The following CFAP44 variants were observed in gnomAD, a reference collection of about 807,000 sequenced individuals.
CFAP44 encodes cilia- and flagella-associated protein 44.
Under a neutral mutation model 216.2 loss-of-function variants are expected in CFAP44, and 134 were observed. The ratio of observed to expected loss-of-function variants is 0.62; its 90% confidence interval spans 0.54 to 0.72. The LOEUF is 0.72. CFAP44 is among the 30% of genes least tolerant of loss of function. The pLI, the probability that CFAP44 is intolerant of heterozygous loss-of-function variation, is 0.00. For missense variants in CFAP44, 2,035 were observed against 2,182.1 expected, an observed-to-expected ratio of 0.93 and a Z score of 1.34; for synonymous variants, 700 against 727.6, an observed-to-expected ratio of 0.96 and a Z score of 0.61.
intron 8 of CFAP44, 120 bp from the exon 9 acceptor site, chr3:113,404,136 A>C: frequency 8.3e-7 from 1 of 1,201,598 alleles, no homozygotes. Context: ...AAAATTTTTA[A>C]ATGGAAAAAT....
chr3:113,397,655 G>A (rs1221691214), intron 13 of CFAP44, among the ~76,000 whole-genome samples: 1 of 152,198 alleles, frequency 6.6e-6, no homozygotes, highest in Non-Finnish European at 1.5e-5. Flanking sequence ...TAGTGAAGAT[G>A]AGGGATATGA....
intron 4 of CFAP44, among the ~76,000 whole-genome samples, chr3:113,424,166 G>T (rs896220963): frequency 7.9e-5 from 12 of 152,114 alleles, no homozygotes; most frequent in African/African-American, 2.2e-4. Flanking sequence ...GGCTAGGCGC[G>T]GTGGCTCACA....
At chr3:113,434,182 TAAAC>T (rs1293543140) in intron 1 of CFAP44, among the ~76,000 whole-genome samples, 1 of 152,158 alleles carries the variant, frequency 6.6e-6, no homozygotes, top group African/African-American at 2.4e-5. Flanking sequence ...AGATAGATAT[TAAAC>T]AAGCAATTAA....
intron 12 of CFAP44, 106 bp downstream of exon 12, chr3:113,400,438 CT>C (rs1381752789): frequency 7.0e-6 from 7 of 998,790 alleles, no homozygotes; most frequent in African/African-American, 6.6e-5. Context: ...AGAGGCTCCC[CT>C]TTTGGGAAAA....
rs1934302141 is a variant in CFAP44 at position 113,406,984 on chromosome 3, T to G, written c.948A>C (p.Arg316=). The G allele has an allele frequency of 1.2e-6, 2 of 1,614,038 alleles. No homozygotes were observed. Residue 316 remains arginine, a synonymous_variant, in exon 8 of 35, where the codon CGA becomes CGC. Transcript: ENST00000393845. ...TGLKLQGSLG[R]FGKTITTDIE... is the part of the protein sequence containing the mutation. ...TATCAGTAGTGATTGTTTTGCCAAA[T>G]CGACCTAGTGATCCCTGCAGCTTGA...
chr3:113,343,377 T>C (rs1304783958), intron 23 of CFAP44, among the ~76,000 whole-genome samples: 1 of 152,188 alleles, frequency 6.6e-6, no homozygotes, highest in African/African-American at 2.4e-5. Flanking sequence ...AACAAGTTCC[T>C]ATTGGGGAAT....
At position 113,344,544 on chromosome 3, in the gene CFAP44, A is replaced by G; in HGVS notation, c.3234T>C (p.Pro1078=). 1 of 1,536,928 alleles carries G rather than the reference A, an allele frequency of 6.5e-7. No individual in the cohort carries two copies. The highest frequency in any genetic ancestry group is 8.7e-7 in the Non-Finnish European group (1 of 1,146,784). Reference sequence around the variant, plus strand: ...CATCTCTCTGGCTGTCCTTTCTTCCAGGTCCCTCTTTTTCAAACCTGTCCA... The same window carrying G: ...CATCTCTCTGGCTGTCCTTTCTTCCGGGTCCCTCTTTTTCAAACCTGTCCA... The part of the protein sequence containing the change: ...SKLDRFEKEG[P]GRKDSQRDAG... The change falls in exon 23 of 35, where the codon CCT becomes CCC. Residue 1078 remains proline (P), a synonymous_variant. Transcript: ENST00000393845.
intron 4 of CFAP44, among the ~76,000 whole-genome samples, chr3:113,425,519 T>G (rs1934936146): frequency 6.6e-6 from 1 of 152,244 alleles, no homozygotes; most frequent in Non-Finnish European, 1.5e-5. Context: ...GTGCCCTGTT[T>G]CCTAAGAATT....
At position 113,305,029 on chromosome 3, in the gene CFAP44, G is replaced by T; in HGVS notation, c.4875+7C>A. 6.5e-7 allele frequency: 1 copy of T among 1,536,552 alleles called. No individual in the cohort carries two copies. The highest frequency in any genetic ancestry group is 8.7e-7 in the Non-Finnish European group (1 of 1,146,326). ...ACAGGATGGAGCAGCCTCCCCAGAC[G>T]CATCACCTGGTGGAGCTTGAGCGGA... On this transcript the variant is annotated splice_region_variant and intron_variant, in intron 31 of 34. Coordinates refer to ENST00000393845, the MANE Select transcript of CFAP44 (RefSeq NM_001164496.2).
At chr3:113,304,435 G>A (rs1022600934) in intron 31 of CFAP44, among the ~76,000 whole-genome samples, 2 of 152,160 alleles carry the variant, frequency 1.3e-5, no homozygotes, top group African/African-American at 4.8e-5. Context: ...TCCAGTTTGG[G>A]TCAGGTTACA....
At chr3:113,379,952 T>C (rs1004783660) in intron 16 of CFAP44, among the ~76,000 whole-genome samples, 2 of 152,194 alleles carry the variant, frequency 1.3e-5, no homozygotes, top group Non-Finnish European at 2.9e-5. Context: ...AAAAGCCCTC[T>C]GACACTGGTA....
At chr3:113,400,685 G>C in intron 11 of CFAP44, 41 bp from the exon 12 acceptor site, 1 of 1,530,954 alleles carries the variant, frequency 6.5e-7, no homozygotes, top group Non-Finnish European at 9.0e-7. Context: ...CAAAGACAGA[G>C]TAACAAAGAA....
At position 113,402,804 on chromosome 3, in the gene CFAP44, T is replaced by C. The variant is rs573936627; in HGVS notation, c.1170+1048A>G. ...ATGAAGGGATCCTCTGTGAAATATT[T>C]AACTTCTTTTCTCCTGAGGTTTTCT... On this transcript the variant is annotated intron_variant, in intron 9 of 34. Coordinates refer to ENST00000393845, the MANE Select transcript of CFAP44 (RefSeq NM_001164496.2). 3.9e-5 allele frequency among the ~76,000 whole-genome samples: 6 copies of C among 152,330 alleles called. No individual in the cohort carries two copies. The East Asian group carries it at 1.2e-3, about 29-fold the overall frequency.
At chr3:113,421,168 A>G (rs1934805560) in intron 4 of CFAP44, among the ~76,000 whole-genome samples, 1 of 152,206 alleles carries the variant, frequency 6.6e-6, no homozygotes, top group African/African-American at 2.4e-5. Flanking sequence ...TAATCCCACT[A>G]AAAAGCAGGC....
intron 30 of CFAP44, 116 bp from the exon 31 acceptor site, chr3:113,305,268 G>C (rs546470719): frequency 1.2e-6 from 1 of 868,990 alleles, no homozygotes; most frequent in African/African-American, 1.7e-5. Context: ...TGCTTTGTTG[G>C]GCTGTGATTA....
rs112919148 is a variant in CFAP44, at chr3:113,291,755, A to G, written c.5374-7T>C. 9.0e-3 allele frequency: 13,886 copies of G among 1,535,086 alleles called. 480 individuals carry two copies. The African/African-American group carries it at 0.11, about 12-fold the overall frequency. ...GGCCCTGGAAGGCATTGCCCTGTTG[A>G]AAGAAAACAGCTCCCTGTTGAAGCA... On this transcript the variant is annotated splice_polypyrimidine_tract_variant and splice_region_variant and intron_variant, in intron 34 of 34. Coordinates refer to ENST00000393845, the MANE Select transcript of CFAP44 (RefSeq NM_001164496.2).
intron 19 of CFAP44, among the ~76,000 whole-genome samples, chr3:113,365,207 C>T (rs1423505771): frequency 6.6e-6 from 1 of 152,034 alleles, no homozygotes; most frequent in East Asian, 1.9e-4. Flanking sequence ...CCTGCAATTC[C>T]TTTTTCTGAG....
In CFAP44 at chr3:113,421,244, C is replaced by T. The variant is rs552221976; in HGVS notation, c.408-1065G>A. Among the ~76,000 whole-genome samples the T allele has an allele frequency of 1.1e-3, 165 of 152,240 alleles. 1 individual carries two copies. The highest frequency in any genetic ancestry group is 5.0e-3 in the South Asian group (24 of 4,822). The stretch of plus-strand genomic sequence containing the variant: ...GCGACCAACAAACATGAAAAACGCT[C>T]CACATCACTAATCATCAGTGAGATG... On this transcript the variant is annotated intron_variant, in intron 4 of 34. Transcript: ENST00000393845.
chr3:113,369,767 C>CA (rs200181184), intron 18 of CFAP44, among the ~76,000 whole-genome samples: 12,287 of 152,008 alleles, frequency 0.081, 588 homozygotes, highest in East Asian at 0.15. Context: ...AAAAACCCTT[C>CA]AAAAAATCAA....
Sources: gnomAD v4.1 joint callset for allele counts (sites outside exome capture counted in the v4.1 genomes callset) on GRCh38, gnomAD v4.1.1 for gene constraint, MANE v1.5 for transcripts, NCBI Gene and HGNC (gene_info 2026-07-23, HGNC 2026-07-21) for gene names.